Variants in DNMT1 observed in about 807,000 individuals in gnomAD.
DNMT1 encodes DNA (cytosine-5)-methyltransferase 1.
A neutral mutation model predicts 205.3 loss-of-function variants in DNMT1; 24 were observed. That is an observed-to-expected ratio of 0.12 (90% confidence interval 0.08 to 0.16). The LOEUF (loss-of-function observed/expected upper bound fraction) is 0.16, where lower values mean the gene tolerates loss of function less well. DNMT1 is among the 10% of genes least tolerant of loss of function. DNMT1 has a pLI of 1.00. For synonymous variants in DNMT1, 817 were observed against 839.8 expected (o/e 0.97, Z 0.47); for missense variants, 1,293 against 2,177.7 (o/e 0.59, Z 8.09).
chr19:10,175,641 C>T (rs2038925776), intron 6 of DNMT1, 23 bp from the exon 7 acceptor site: 3 of 1,613,502 alleles, frequency 1.9e-6, no homozygotes, highest in Non-Finnish European at 2.5e-6. Flanking sequence ...GTGAGGCCAA[C>T]CATTAGTGGA....
chr19:10,150,383 C>A (rs1474602286), intron 24 of DNMT1, among the ~76,000 whole-genome samples: 1 of 152,208 alleles, frequency 6.6e-6, no homozygotes, highest in Non-Finnish European at 1.5e-5. Context: ...AAGCTGACTG[C>A]CACCTCAGTG....
At position 10,154,790 on chromosome 19, in the gene DNMT1, T is replaced by C; in HGVS notation, c.1645-17A>G. 7.4e-6 allele frequency: 12 copies of C among 1,614,180 alleles called. No homozygotes were observed. The highest frequency in any genetic ancestry group is 1.0e-5 in the Non-Finnish European group (12 of 1,180,036). ...AACCGTGGTCTTGAAAGAGAACAGG[T>C]TTCTCTCATGCTTAAGCCAAACTGG... On this transcript the variant is annotated splice_polypyrimidine_tract_variant and intron_variant, in intron 20 of 40. Transcript: ENST00000359526. The surrounding 1 kb of genome is among the most constrained non-coding windows in gnomAD (Gnocchi z 6.3).
intron 29 of DNMT1, 58 bp downstream of exon 29, chr19:10,143,708 A>T: frequency 6.3e-7 from 1 of 1,589,660 alleles, no homozygotes; most frequent in Non-Finnish European, 8.6e-7. Flanking sequence ...ACCTTGTTTC[A>T]GGCAGAGCCT....
At chr19:10,165,203 C>T (rs1004470686) in intron 11 of DNMT1, among the ~76,000 whole-genome samples, 6 of 151,928 alleles carry the variant, frequency 3.9e-5, no homozygotes, top group Non-Finnish European at 8.8e-5. Context: ...CCTGGGAGGT[C>T]GAGGCTACAG....
rs146516082 is a variant in DNMT1 at position 10,180,440 on chromosome 19, T to C, written c.355A>G (p.Arg119Gly). The change falls in exon 4 of 41, where the codon AGA becomes GGA. Residue 119 changes from arginine to glycine, a missense_variant. Arg to Gly is a moderately radical substitution (Grantham distance 125, BLOSUM62 -2). Transcript: ENST00000359526. The stretch of plus-strand genomic sequence containing the variant: ...CTGTTGGCATCTGCCATTCCCACTC[T>C]ACGGGCTTCACTTCTTGCTTGGTTC... The part of the protein sequence containing the change: ...NGNQARSEAR[R>G]VGMADANSPP... 44 of 1,614,094 alleles carry C rather than the reference T, an allele frequency of 2.7e-5. No individual in the cohort carries two copies. Among genetic ancestry groups the C allele is most frequent in the Non-Finnish European group, 3.1e-5 (37 of 1,180,052 alleles).
At position 10,139,796 on chromosome 19, in the gene DNMT1, G is replaced by A. The variant is rs1382831743; in HGVS notation, c.3828C>T (p.Pro1276=). Residue 1276 remains proline (P), a synonymous_variant, in exon 34 of 41, where the codon CCC becomes CCT. Transcript: ENST00000359526. ...TGACATTCTCCAGGAGGAAGAACCGGGGCCGGTAGTAGTCGCAGTAGCTGT... is the reference window on the plus strand; with the variant it reads ...TGACATTCTCCAGGAGGAAGAACCGAGGCCGGTAGTAGTCGCAGTAGCTGT... ...SFLSYCDYYR[P]RFFLLENVRN... is the part of the protein sequence containing the mutation. 1 of 1,591,734 alleles carries A rather than the reference G, an allele frequency of 6.3e-7. No individual in the cohort carries two copies. Among genetic ancestry groups the A allele is most frequent in the Non-Finnish European group, 8.6e-7 (1 of 1,169,302 alleles).
Position 10,151,331 on chromosome 19 carries a change from G to C in DNMT1, c.2265+67C>G. The C allele has an allele frequency of 6.2e-7, 1 of 1,601,114 alleles. No individual in the cohort carries two copies. The highest frequency in any genetic ancestry group is 8.5e-7 in the Non-Finnish European group (1 of 1,178,902). On this transcript the variant is annotated intron_variant, in intron 24 of 40. Coordinates refer to ENST00000359526, the MANE Select transcript of DNMT1 (RefSeq NM_001130823.3). This position sits in a 1 kb window ranked among gnomAD's most constrained non-coding sequence, Gnocchi z 5.0. ...GCTGCCTGAGAGGTCAGGTTGGCGA[G>C]ATACTAGAGGGCAACCTGCTTATTG...
At chr19:10,187,906 G>A (rs1458968510) in intron 1 of DNMT1, among the ~76,000 whole-genome samples, 1 of 152,140 alleles carries the variant, frequency 6.6e-6, no homozygotes, top group African/African-American at 2.4e-5. Context: ...TACTCGGGAA[G>A]CCAAAGCGGG....
intron 1 of DNMT1, among the ~76,000 whole-genome samples, chr19:10,191,722 C>T (rs1488142887): frequency 6.6e-6 from 1 of 152,098 alleles, no homozygotes; most frequent in Non-Finnish European, 1.5e-5. Context: ...ATGGCCGGGC[C>T]CTGTGGCTCA....
intron 11 of DNMT1, among the ~76,000 whole-genome samples, chr19:10,166,383 C>G (rs1412194873): frequency 6.6e-6 from 1 of 152,122 alleles, no homozygotes; most frequent in South Asian, 2.1e-4. Flanking sequence ...CAGAGGACAA[C>G]TGAGTGTTCA....
At chr19:10,188,812 G>C (rs1206060233) in intron 1 of DNMT1, among the ~76,000 whole-genome samples, 1 of 152,104 alleles carries the variant, frequency 6.6e-6, no homozygotes, top group Non-Finnish European at 1.5e-5. Context: ...GTAGAGGAAG[G>C]GGGCATGAGC....
chr19:10,163,119 AC>A, intron 12 of DNMT1: 1 of 629,172 alleles, frequency 1.6e-6, no homozygotes, highest in East Asian at 2.7e-5. Context: ...CCGCCACCAC[AC>A]CCAGCTAATT....
Position 10,154,616 on chromosome 19 carries a change from A to C in DNMT1, c.1802T>G (p.Ile601Ser). 1 of 1,613,974 alleles carries C rather than the reference A, an allele frequency of 6.2e-7. No homozygotes were observed. The highest frequency in any genetic ancestry group is 8.5e-7 in the Non-Finnish European group (1 of 1,179,952). ...IFLTPCMRDL[I>S]KLAGVTLGQR... ...TCCCAGCGTGACCCCAGCCAGCTTG[A>C]TCAGGTCCCGCATGCAGGGTGTCAG... The change falls in exon 21 of 41, where the codon ATC becomes AGC. Residue 601 changes from isoleucine to serine, a missense_variant. Ile to Ser is a moderately radical substitution (Grantham distance 142). Transcript: ENST00000359526. This position sits in a 1 kb window ranked among gnomAD's most constrained non-coding sequence, Gnocchi z 6.3.
chr19:10,185,497 G>A (rs1599404804), intron 1 of DNMT1, among the ~76,000 whole-genome samples: 1 of 151,588 alleles, frequency 6.6e-6, no homozygotes, highest in Non-Finnish European at 1.5e-5. Context: ...AATATAGACT[G>A]TATATTATAT....
rs766626750 is a variant in DNMT1 at position 10,160,426 on chromosome 19, G to C, written c.1009-8C>G. 24 of 1,613,854 alleles carry C rather than the reference G, an allele frequency of 1.5e-5. No individual in the cohort carries two copies. The South Asian group carries it at 2.5e-4, about 17-fold the overall frequency. ...TTTGCGTCTCTTCTCCTCCTACACA[G>C]GGAAAACAAAAGAGGATTAAAGGCT... On this transcript the variant is annotated splice_polypyrimidine_tract_variant and splice_region_variant and intron_variant, in intron 13 of 40. Coordinates refer to ENST00000359526, the MANE Select transcript of DNMT1 (RefSeq NM_001130823.3).
In DNMT1 at chr19:10,149,610, G is replaced by C. The variant is rs988229673; in HGVS notation, c.2429C>G (p.Ala810Gly). Residue 810 changes from alanine (A) to glycine (G), a missense_variant, in exon 26 of 41, where the codon GCC becomes GGC. Physicochemically the swap from Ala to Gly is moderately conservative, Grantham distance 60 (BLOSUM62 0). Around this residue, in one of 13 missense-constraint regions of DNMT1, gnomAD observed 197 missense variants for 353.6 expected, o/e 0.56. Transcript: ENST00000359526. ...EDSSNGQMFH[A>G]HWFCAGTDTV... ...GTCTGTCCCAGCGCAGAACCAGTGG[G>C]CGTGAAACATCTGCCCGTTGCTGCT... is the stretch of plus-strand genomic sequence containing the variant. 3 of 1,613,936 alleles carry C rather than the reference G, an allele frequency of 1.9e-6. No individual in the cohort carries two copies. Among genetic ancestry groups the C allele is most frequent in the Non-Finnish European group, 2.5e-6 (3 of 1,180,034 alleles).
At position 10,168,331 on chromosome 19, in the gene DNMT1, G is replaced by A. The variant is rs2038735999; in HGVS notation, c.802C>T (p.Pro268Ser). The change falls in exon 10 of 41, where the codon CCA (proline) becomes TCA (serine). Residue 268 changes from proline to serine, a missense_variant and splice_region_variant. Transcript: ENST00000359526. ...CAAAGGCAGGTTCGCTGCACTTACG[G>A]TTCTTTGGTTTGACTTCGGAGTCTC... is the stretch of plus-strand genomic sequence containing the variant. Reference protein sequence around the residue: ...EKRLRSQTKEPTPKQKLKEEP... With the variant: ...EKRLRSQTKESTPKQKLKEEP... 6 of 1,613,962 alleles carry A rather than the reference G, an allele frequency of 3.7e-6. No homozygotes were observed. Among genetic ancestry groups the A allele is most frequent in the Non-Finnish European group, 5.1e-6 (6 of 1,180,020 alleles).
intron 27 of DNMT1, among the ~76,000 whole-genome samples, chr19:10,147,608 T>A (rs1249387498): frequency 6.6e-6 from 1 of 151,866 alleles, no homozygotes; most frequent in African/African-American, 2.4e-5. Context: ...TGAAACTCCA[T>A]CACAAAAAAG....
At chr19:10,148,624 A>C (rs1280225196) in intron 27 of DNMT1, among the ~76,000 whole-genome samples, 1 of 152,244 alleles carries the variant, frequency 6.6e-6, no homozygotes, top group Non-Finnish European at 1.5e-5. Flanking sequence ...ACACACGGGA[A>C]GTCTTGAAAT....
Sources: allele counts gnomAD v4.1 joint callset (sites outside exome capture counted in the v4.1 genomes callset), GRCh38; gene constraint gnomAD v4.1.1; regional missense constraint gnomAD v4.1.1; non-coding constraint Gnocchi (gnomAD v3.1); transcripts MANE v1.5; gene names NCBI Gene and HGNC (gene_info 2026-07-23, HGNC 2026-07-21).